Variants in CPLANE1 observed in about 807,000 individuals in gnomAD.
CPLANE1 encodes the protein ciliogenesis and planar polarity effector complex subunit 1, also known as ciliogenesis and planar polarity effector 1.
CPLANE1 carries 263 observed loss-of-function variants against 362.5 expected under a neutral mutation model. That is an observed-to-expected ratio of 0.73 (90% CI 0.66 to 0.80). The LOEUF (loss-of-function observed/expected upper bound fraction) is 0.80. Ranked by LOEUF, CPLANE1 falls within the 30% of genes least tolerant of loss-of-function variation. The probability of loss-of-function intolerance (pLI) is 0.00; values close to 1 mark genes in which losing one functional copy is unlikely to be tolerated. For missense variants in CPLANE1, 3,461 were observed against 3,793.4 expected (o/e 0.91, Z 2.30); for synonymous variants, 1,212 against 1,302.6 (o/e 0.93, Z 1.50).
At chr5:37,147,900 C>T (rs1432649755) in intron 43 of CPLANE1, among the ~76,000 whole-genome samples, 1 of 142,400 alleles carries the variant, frequency 7.0e-6, no homozygotes, top group Non-Finnish European at 1.5e-5. Flanking sequence ...GGCTTGGAAT[C>T]CACAAAAACT....
intron 41 of CPLANE1, among the ~76,000 whole-genome samples, chr5:37,155,145 C>T (rs1774709870): frequency 6.6e-6 from 1 of 152,222 alleles, no homozygotes; most frequent in South Asian, 2.1e-4. Context: ...CCATCTTCCA[C>T]ACCAGGCCCA....
At position 37,110,790 on chromosome 5, in the gene CPLANE1, G is replaced by A. The variant is rs1174377455; in HGVS notation, c.9401-2319C>T. Among the ~76,000 whole-genome samples, 8 of 151,440 alleles carry A rather than the reference G, an allele frequency of 5.3e-5. No homozygotes were observed. The East Asian group carries it at 5.8e-4, about 11-fold the overall frequency. On this transcript the variant is annotated intron_variant, in intron 51 of 52. Coordinates refer to ENST00000651892, the MANE Select transcript of CPLANE1 (RefSeq NM_001384732.1). Reference sequence around the variant, plus strand: ...GGAGATGATCCACCCCAGAACCTGGGCTAATGTATTAACTTTTTTTTTTTT... The same window carrying A: ...GGAGATGATCCACCCCAGAACCTGGACTAATGTATTAACTTTTTTTTTTTT...
At chr5:37,219,442 C>T (rs530968569) in intron 15 of CPLANE1, among the ~76,000 whole-genome samples, 3 of 151,770 alleles carry the variant, frequency 2.0e-5, no homozygotes, top group Non-Finnish European at 2.9e-5. Flanking sequence ...GCAGGAGAAT[C>T]GCTTGAACCC....
At chr5:37,149,150 T>C (rs891202900) in intron 42 of CPLANE1, among the ~76,000 whole-genome samples, 7 of 152,162 alleles carry the variant, frequency 4.6e-5, no homozygotes, top group Admixed American at 3.3e-4. Context: ...AGACTAAATA[T>C]CTTCCTTTTC....
intron 32 of CPLANE1, among the ~76,000 whole-genome samples, chr5:37,172,716 C>T (rs143030021): frequency 1.1e-4 from 16 of 152,252 alleles, no homozygotes; most frequent in Admixed American, 7.9e-4. Context: ...CTGGGCACAG[C>T]GGCTCACGCC....
chr5:37,210,664 T>G, intron 16 of CPLANE1: 1 of 1,570,106 alleles, frequency 6.4e-7, no homozygotes, highest in African/African-American at 1.4e-5. Flanking sequence ...GTTAAAGTGA[T>G]GAGTGACTAT....
intron 46 of CPLANE1, among the ~76,000 whole-genome samples, chr5:37,126,376 G>C (rs775863466): frequency 5.9e-5 from 9 of 152,204 alleles, no homozygotes; most frequent in Non-Finnish European, 1.0e-4. Context: ...TACTGTGAAA[G>C]GCCCATTGCT....
At chr5:37,100,260 T>C in the CPLANE1 span, among the ~76,000 whole-genome samples, 1 of 152,244 alleles carries the variant, frequency 6.6e-6, no homozygotes, top group Non-Finnish European at 1.5e-5. Flanking sequence ...TTTAAATCTT[T>C]AATCCATCTT....
intron 9 of CPLANE1, among the ~76,000 whole-genome samples, chr5:37,229,854 C>G (rs1388630416): frequency 1.3e-5 from 2 of 152,092 alleles, no homozygotes; most frequent in Admixed American, 1.3e-4. Flanking sequence ...AAGAATAACT[C>G]TTCTGCAAGA....
chr5:37,116,372 G>A lies in CPLANE1; in HGVS notation c.9311-1323C>T, dbSNP rs1003716952. ...ACGGTGGTGCAAGCCTGTAGTCCCC[G>A]TTACTCCGAAGGCTGAGGCAGGAGA... is the stretch of plus-strand genomic sequence containing the variant. On this transcript the variant is annotated intron_variant, in intron 50 of 52. Coordinates refer to ENST00000651892, the MANE Select transcript of CPLANE1 (RefSeq NM_001384732.1). 5.3e-5 allele frequency among the ~76,000 whole-genome samples: 8 copies of A among 150,922 alleles called. No individual in the cohort carries two copies. In the East Asian group the frequency reaches 5.9e-4, roughly 11 times the overall value.
chr5:37,233,544 C>A (rs1446920654), intron 8 of CPLANE1, among the ~76,000 whole-genome samples: 3 of 152,040 alleles, frequency 2.0e-5, no homozygotes, highest in African/African-American at 7.2e-5. Flanking sequence ...TAGGAGAATA[C>A]CCACCACCCT....
At chr5:37,092,116 C>G in the CPLANE1 span, among the ~76,000 whole-genome samples, 25 of 152,142 alleles carry the variant, frequency 1.6e-4, no homozygotes, top group Non-Finnish European at 3.4e-4. Flanking sequence ...TATCTTAGAC[C>G]CGCCTTTCTT....
chr5:37,127,408 G>T (rs1764467424), intron 46 of CPLANE1, among the ~76,000 whole-genome samples: 1 of 151,958 alleles, frequency 6.6e-6, no homozygotes, highest in Admixed American at 6.6e-5. Flanking sequence ...AATCCCATCT[G>T]CTTTGCAGAG....
At chr5:37,171,780 CT>C (rs1779869386) in intron 32 of CPLANE1, among the ~76,000 whole-genome samples, 1 of 143,238 alleles carries the variant, frequency 7.0e-6, no homozygotes, top group African/African-American at 2.8e-5. Context: ...CTCTCTCTCT[CT>C]CTCTATCTAT....
At chr5:37,076,019 G>A in the CPLANE1 span, among the ~76,000 whole-genome samples, 2 of 152,068 alleles carry the variant, frequency 1.3e-5, no homozygotes, top group Non-Finnish European at 1.5e-5. Flanking sequence ...TGAGATGGGA[G>A]GATTGCTTGA....
At chr5:37,172,310 TATAGA>T (rs1302302499) in intron 32 of CPLANE1, among the ~76,000 whole-genome samples, 1 of 152,164 alleles carries the variant, frequency 6.6e-6, no homozygotes, top group African/African-American at 2.4e-5. Flanking sequence ...TAGCCACTGC[TATAGA>T]AATAGCAAGT....
chr5:37,229,272 G>C (rs1397896643), intron 9 of CPLANE1, among the ~76,000 whole-genome samples: 1 of 151,396 alleles, frequency 6.6e-6, no homozygotes, highest in East Asian at 2.0e-4. Flanking sequence ...TAATCGAGGA[G>C]GCCGGGCGCG....
chr5:37,210,163 C>A, intron 16 of CPLANE1: 1 of 1,200,518 alleles, frequency 8.3e-7, no homozygotes, highest in East Asian at 2.3e-5. Flanking sequence ...GAAAAGAGCA[C>A]CCTTGAGAGA....
chr5:37,187,977 A>G, intron 21 of CPLANE1, 135 bp from the exon 22 acceptor site: 1 of 488,982 alleles, frequency 2.0e-6, no homozygotes. Context: ...ACACATGCTC[A>G]TTGTAAATTT....
Sources: gnomAD v4.1 joint callset for allele counts (sites outside exome capture counted in the v4.1 genomes callset) on GRCh38, gnomAD v4.1.1 for gene constraint, MANE v1.5 for transcripts, NCBI Gene and HGNC (gene_info 2026-07-23, HGNC 2026-07-21) for gene names.